GRM7: variants seen among roughly 807,000 people sequenced by gnomAD.
GRM7 encodes glutamate metabotropic receptor 7.
A neutral mutation model predicts 84.5 loss-of-function variants in GRM7; 35 were observed. The observed-to-expected ratio is 0.41, with a 90% confidence interval of 0.32 to 0.55. The LOEUF is 0.55. GRM7 is among the 20% of genes least tolerant of loss of function. The probability of loss-of-function intolerance (pLI) is 0.19; values close to 1 mark genes in which losing one functional copy is unlikely to be tolerated. For missense variants in GRM7, 1,003 were observed against 1,194.6 expected (o/e 0.84, Z 2.36); for synonymous variants, 487 against 455.1 (o/e 1.07, Z -0.89).
chr3:7,516,123 C>G (rs1394245316), intron 7 of GRM7, among the ~76,000 whole-genome samples: 1 of 140,626 alleles, frequency 7.1e-6, no homozygotes, highest in Non-Finnish European at 1.5e-5. Context: ...GTGATCACAC[C>G]ACTGCACTCC....
intron 7 of GRM7, among the ~76,000 whole-genome samples, chr3:7,503,834 C>T (rs1450097): frequency 0.69 from 104,322 of 152,010 alleles, 36,262 homozygotes; most frequent in East Asian, 0.8. Flanking sequence ...TTCATCCTAA[C>T]TGCTTTAATT....
At chr3:7,094,509 A>T (rs1371206308) in intron 1 of GRM7, among the ~76,000 whole-genome samples, 3 of 152,316 alleles carry the variant, frequency 2.0e-5, no homozygotes, top group Admixed American at 2.0e-4. Flanking sequence ...AGTAACAGCA[A>T]AACTGGGCTT....
intron 7 of GRM7, among the ~76,000 whole-genome samples, chr3:7,506,344 C>G (rs1473714499): frequency 3.9e-5 from 6 of 152,132 alleles, no homozygotes; most frequent in Admixed American, 3.3e-4. Flanking sequence ...CAGACATTCC[C>G]TAGTCTTCTC....
At chr3:7,323,897 C>T (rs973943780) in intron 4 of GRM7, among the ~76,000 whole-genome samples, 3 of 152,070 alleles carry the variant, frequency 2.0e-5, no homozygotes, top group African/African-American at 7.2e-5. Flanking sequence ...GTTTACTTTG[C>T]CCACTATAAT....
chr3:7,670,809 C>G (rs1480860180), intron 8 of GRM7, among the ~76,000 whole-genome samples: 1 of 152,154 alleles, frequency 6.6e-6, no homozygotes, highest in Admixed American at 6.5e-5. Flanking sequence ...TACAAGACAG[C>G]ATTTTCACAT....
chr3:7,542,791 C>T (rs1404640859), intron 7 of GRM7, among the ~76,000 whole-genome samples: 3 of 152,158 alleles, frequency 2.0e-5, no homozygotes, highest in Admixed American at 2.0e-4. Flanking sequence ...CGTGATCTGC[C>T]TGCCTCGGCC....
intron 8 of GRM7, chr3:7,608,050 A>C (rs182529275): frequency 2.8e-6 from 1 of 359,208 alleles, no homozygotes; most frequent in Admixed American, 2.9e-5. Flanking sequence ...ATGTTCCTGC[A>C]AAAGACATGA....
chr3:6,987,563 G>A (rs1447659920), intron 1 of GRM7, among the ~76,000 whole-genome samples: 2 of 152,180 alleles, frequency 1.3e-5, no homozygotes, highest in Admixed American at 6.5e-5. Flanking sequence ...CTTCAAGGCA[G>A]GAGTGAACGT....
At chr3:7,717,890 G>C (rs971242245) in intron 9 of GRM7, among the ~76,000 whole-genome samples, 6 of 152,194 alleles carry the variant, frequency 3.9e-5, no homozygotes, top group Non-Finnish European at 8.8e-5. Flanking sequence ...GGCATCAGAG[G>C]TATGGTAGTA....
chr3:7,662,717 CAAT>C (rs927783518), intron 8 of GRM7, among the ~76,000 whole-genome samples: 4 of 152,174 alleles, frequency 2.6e-5, no homozygotes, highest in African/African-American at 9.6e-5. Context: ...AAAGAGAAAA[CAAT>C]AAGCAGGAAA....
chr3:7,442,076 A>G (rs1697311327), intron 5 of GRM7, among the ~76,000 whole-genome samples: 1 of 151,966 alleles, frequency 6.6e-6, no homozygotes, highest in Non-Finnish European at 1.5e-5. Flanking sequence ...TTTGGGCAGT[A>G]TGGCCATTTT....
At chr3:7,218,913 A>T (rs2124869054) in intron 2 of GRM7, among the ~76,000 whole-genome samples, 1 of 152,240 alleles carries the variant, frequency 6.6e-6, no homozygotes, top group South Asian at 2.1e-4. Context: ...TACATGGCTA[A>T]ATTTAAATAT....
intron 2 of GRM7, among the ~76,000 whole-genome samples, chr3:7,191,718 T>A (rs1032099486): frequency 6.6e-6 from 1 of 151,030 alleles, no homozygotes; most frequent in South Asian, 2.1e-4. Context: ...ATAGATCAGA[T>A]GTGGCCAGAA....
intron 8 of GRM7, among the ~76,000 whole-genome samples, chr3:7,587,730 AGGCACT>A (rs781505863): frequency 2.6e-5 from 4 of 152,196 alleles, no homozygotes; most frequent in Admixed American, 6.5e-5. Flanking sequence ...CTGGGAAGAT[AGGCACT>A]GGCTACCAGT....
chr3:7,042,928 T>C (rs191568890), intron 1 of GRM7, among the ~76,000 whole-genome samples: 103 of 152,328 alleles, frequency 6.8e-4, no homozygotes, highest in Non-Finnish European at 9.1e-4. Context: ...TATTCTAGGA[T>C]GTACTCAAGT....
chr3:7,558,334 C>A (rs369902827), intron 7 of GRM7, among the ~76,000 whole-genome samples: 1 of 151,286 alleles, frequency 6.6e-6, no homozygotes, highest in Non-Finnish European at 1.5e-5. Flanking sequence ...AAAGCAAATC[C>A]TTTTTTGATA....
intron 2 of GRM7, among the ~76,000 whole-genome samples, chr3:7,207,691 A>G (rs1053237099): frequency 2.6e-5 from 4 of 152,190 alleles, no homozygotes; most frequent in Non-Finnish European, 5.9e-5. Context: ...CCTGGGCTTC[A>G]GCTTAGGACA....
intron 8 of GRM7, among the ~76,000 whole-genome samples, chr3:7,669,300 G>A (rs1699829357): frequency 6.6e-6 from 1 of 152,214 alleles, no homozygotes; most frequent in African/African-American, 2.4e-5. Flanking sequence ...AGGAAGTAAG[G>A]CAGAGTCCTG....
intron 1 of GRM7, among the ~76,000 whole-genome samples, chr3:7,075,060 A>G (rs1453485387): frequency 1.3e-5 from 2 of 152,194 alleles, no homozygotes; most frequent in East Asian, 3.8e-4. Context: ...TTTGTAATTC[A>G]GTTCTAGAAT....
Sources: allele counts gnomAD v4.1 joint callset (sites outside exome capture counted in the v4.1 genomes callset), GRCh38; gene constraint gnomAD v4.1.1; transcripts MANE v1.5; gene names NCBI Gene and HGNC (gene_info 2026-07-23, HGNC 2026-07-21).